Variants in IGBP1C observed in about 807,000 individuals in gnomAD.
The protein encoded by IGBP1C is immunoglobulin-binding protein 1 family member C.
chr17:58,660,527 C>T, the IGBP1C span: 1 of 732,966 alleles, frequency 1.4e-6, no homozygotes, highest in Admixed American at 2.0e-5. Flanking sequence ...GCATGGTTTT[C>T]CTTGGCGGGG....
chr17:58,676,518 C>T, the IGBP1C span, among the ~76,000 whole-genome samples: 21 of 152,172 alleles, frequency 1.4e-4, no homozygotes, highest in Non-Finnish European at 2.9e-4. Context: ...CAAGATCATG[C>T]CATTGCACTC....
the IGBP1C span, among the ~76,000 whole-genome samples, chr17:58,665,771 C>T: frequency 2.6e-5 from 4 of 151,174 alleles, no homozygotes; most frequent in Admixed American, 6.6e-5. Flanking sequence ...TAAGGCTGGG[C>T]GCGGTGGCTC....
chr17:58,666,114 G>T, the IGBP1C span, among the ~76,000 whole-genome samples: 1 of 151,888 alleles, frequency 6.6e-6, no homozygotes, highest in Non-Finnish European at 1.5e-5. Context: ...GAGGCTGAAG[G>T]TGTGGATCAC....
At chr17:58,685,810 G>A in the IGBP1C span, among the ~76,000 whole-genome samples, 1 of 151,294 alleles carries the variant, frequency 6.6e-6, no homozygotes, top group Non-Finnish European at 1.5e-5. Flanking sequence ...TGGCCAACAT[G>A]GTGAAACACC....
chr17:58,662,415 T>TCACACACACA, the IGBP1C span, among the ~76,000 whole-genome samples: 583 of 114,982 alleles, frequency 5.1e-3, 2 homozygotes, highest in Middle Eastern at 0.016. Flanking sequence ...CACACATATC[T>TCACACACACA]CACACACACA....
the IGBP1C span, among the ~76,000 whole-genome samples, chr17:58,671,475 C>T: frequency 6.6e-6 from 1 of 152,078 alleles, no homozygotes; most frequent in East Asian, 1.9e-4. Flanking sequence ...GGGGGCATTC[C>T]TCAGAACTGA....
At chr17:58,679,588 G>A in the IGBP1C span, 8 of 152,220 alleles carry the variant, frequency 5.3e-5, no homozygotes, top group African/African-American at 1.9e-4. Context: ...TCCCACATTT[G>A]TAGAAAACCA....
chr17:58,668,932 G>A, the IGBP1C span, among the ~76,000 whole-genome samples: 2 of 152,094 alleles, frequency 1.3e-5, no homozygotes, highest in African/African-American at 4.8e-5. Flanking sequence ...CATTTGTTCC[G>A]GGTATATATC....
chr17:58,676,421 G>A, the IGBP1C span, among the ~76,000 whole-genome samples: 9 of 151,810 alleles, frequency 5.9e-5, 1 homozygote, highest in Admixed American at 1.3e-4. Flanking sequence ...AAACCCAGGC[G>A]TGGTGGCAGG....
chr17:58,691,657 ACT>A, the IGBP1C span, among the ~76,000 whole-genome samples: 14 of 109,736 alleles, frequency 1.3e-4, no homozygotes, highest in African/African-American at 5.5e-4. Flanking sequence ...ACACAGTGAG[ACT>A]CTGTCTCAAA....
chr17:58,661,518 C>T, the IGBP1C span: 1 of 779,976 alleles, frequency 1.3e-6, no homozygotes, highest in South Asian at 1.3e-5. Context: ...GCTCCTTCGA[C>T]TTCGTCCAGA....
the IGBP1C span, chr17:58,660,914 G>A: frequency 2.9e-5 from 25 of 855,408 alleles, no homozygotes; most frequent in Admixed American, 4.2e-4. Flanking sequence ...AGAAGTGGAT[G>A]CCTCTCTTGA....
At chr17:58,686,370 T>C in the IGBP1C span, among the ~76,000 whole-genome samples, 7 of 151,990 alleles carry the variant, frequency 4.6e-5, no homozygotes, top group Admixed American at 2.0e-4. Flanking sequence ...AGGATGGATA[T>C]GTGGTTCATG....
chr17:58,661,617 G>A, the IGBP1C span: 6 of 698,622 alleles, frequency 8.6e-6, no homozygotes, highest in South Asian at 1.7e-5. Flanking sequence ...AGGCTGATGC[G>A]AAATGTTGAT....
At chr17:58,681,734 C>T in the IGBP1C span, among the ~76,000 whole-genome samples, 1 of 151,646 alleles carries the variant, frequency 6.6e-6, no homozygotes, top group African/African-American at 2.4e-5. Context: ...TCCCAGCTAC[C>T]CAGGAGGCTG....
At chr17:58,662,727 G>A in the IGBP1C span, among the ~76,000 whole-genome samples, 10 of 152,118 alleles carry the variant, frequency 6.6e-5, no homozygotes, top group Admixed American at 5.2e-4. Context: ...AGGAAGGAAG[G>A]GTTGATGCTC....
chr17:58,689,407 GAC>G, the IGBP1C span, among the ~76,000 whole-genome samples: 1 of 151,948 alleles, frequency 6.6e-6, no homozygotes, highest in Non-Finnish European at 1.5e-5. Flanking sequence ...TTTTAGTAGA[GAC>G]AGGGTTTCGT....
the IGBP1C span, among the ~76,000 whole-genome samples, chr17:58,673,581 A>G: frequency 2.0e-5 from 3 of 151,980 alleles, no homozygotes; most frequent in Admixed American, 6.6e-5. Context: ...TTTTTGAGAC[A>G]GGGTCTTGTT....
chr17:58,671,277 G>A, the IGBP1C span, among the ~76,000 whole-genome samples: 2 of 152,088 alleles, frequency 1.3e-5, no homozygotes, highest in Non-Finnish European at 2.9e-5. Flanking sequence ...CTGGTGCTGG[G>A]GGACATCACC....
Sources: gnomAD v4.1 joint callset for allele counts (sites outside exome capture counted in the v4.1 genomes callset) on GRCh38, gnomAD v4.1.1 for gene constraint, MANE v1.5 for transcripts, NCBI Gene and HGNC (gene_info 2026-07-23, HGNC 2026-07-21) for gene names.